The following SRP68 variants were observed in gnomAD, a reference collection of about 807,000 sequenced individuals.
SRP68 encodes signal recognition particle 68, also known as signal recognition particle subunit SRP68.
SRP68 carries 15 observed loss-of-function variants against 82.2 expected under a neutral mutation model. The observed-to-expected ratio is 0.18, with a 90% confidence interval of 0.12 to 0.28. The LOEUF is 0.28. Among genes scored for constraint, SRP68 ranks in the 10% least tolerant of loss-of-function variants. The pLI is 1.00. For synonymous variants in SRP68, 261 were observed against 292.6 expected (o/e 0.89, Z 1.10); for missense variants, 595 against 780.5 (o/e 0.76, Z 2.83).
At position 76,070,361 on chromosome 17, in the gene SRP68, TTGTA is replaced by T; in HGVS notation, c.251+13_251+16del. ...AGTCCCACAATGATTTCCAAACATC[TTGTA>T]TGTGATACTAACCTGTACCTCTGAA... On this transcript the variant is annotated intron_variant, in intron 2 of 15. Transcript: ENST00000307877. 1 of 1,607,960 alleles carries T rather than the reference TTGTA, an allele frequency of 6.2e-7. No homozygotes were observed. Among genetic ancestry groups the T allele is most frequent in the Non-Finnish European group, 8.5e-7 (1 of 1,174,472 alleles).
intron 12 of SRP68, 133 bp from the exon 13 acceptor site, chr17:76,044,091 C>T: frequency 1.0e-6 from 1 of 966,972 alleles, no homozygotes; most frequent in Non-Finnish European, 1.5e-6. Flanking sequence ...ATGGGAGCCC[C>T]CTTCATGGGA....
At chr17:76,047,764 G>A in intron 10 of SRP68, 142 bp downstream of exon 10, 1 of 304,922 alleles carries the variant, frequency 3.3e-6, no homozygotes, top group Admixed American at 5.5e-5. Flanking sequence ...ACTCCAGCCT[G>A]AGTGACAGAG....
At chr17:76,053,358 A>G (rs1441881498) in intron 8 of SRP68, 1 of 583,564 alleles carries the variant, frequency 1.7e-6, no homozygotes, top group Non-Finnish European at 2.2e-6. Context: ...ATTCCATGCA[A>G]TCCAACAAAC....
chr17:76,072,135 A>G lies in SRP68; in HGVS notation c.184+173T>C, dbSNP rs922708899. On this transcript the variant is annotated intron_variant, in intron 1 of 15. Transcript: ENST00000307877. This position sits in a 1 kb window ranked among gnomAD's most constrained non-coding sequence, Gnocchi z 4.5. ...GGCGAGGGGGACACGAGGAAAGACT[A>G]GTCGAGAGACAGACCCCCCCCGGAA... is the stretch of plus-strand genomic sequence containing the variant. The G allele has an allele frequency of 1.5e-5, 18 of 1,224,684 alleles. No homozygotes were observed. Among genetic ancestry groups the G allele is most frequent in the Non-Finnish European group, 2.0e-5 (18 of 889,362 alleles). 75.9% of individuals were successfully genotyped at this position (1,224,684 alleles called of 1,614,324 possible).
chr17:76,053,614 G>A, intron 8 of SRP68: 2 of 985,398 alleles, frequency 2.0e-6, no homozygotes, highest in Non-Finnish European at 2.4e-6. Context: ...AGTTCCCACT[G>A]GGAATTTTAC....
At chr17:76,053,605 G>C (rs2066691648) in intron 8 of SRP68, 1 of 985,276 alleles carries the variant, frequency 1.0e-6, no homozygotes, top group African/African-American at 1.7e-5. Flanking sequence ...AAAGCTCTAA[G>C]TTCCCACTGG....
rs2066744160 is a variant in SRP68 at position 76,060,358 on chromosome 17, T to G, written c.787A>C (p.Met263Leu). 12 of 1,612,184 alleles carry G rather than the reference T, an allele frequency of 7.4e-6. No homozygotes were observed. Among genetic ancestry groups the G allele is most frequent in the Non-Finnish European group, 1.0e-5 (12 of 1,179,692 alleles). The change falls in exon 7 of 16, where the codon ATG becomes CTG. Residue 263 changes from methionine to leucine, a missense_variant. Met to Leu is a conservative substitution (Grantham distance 15). Coordinates refer to ENST00000307877, the MANE Select transcript of SRP68 (RefSeq NM_014230.4). ...DQSAINELMQ[M>L]RLRSGGTEGL... ...TCAGTGCCCCCAGACCTCAATCTCA[T>G]CTGCATGAGTTCATTGATGGCTGAC...
chr17:76,067,178 G>T, intron 3 of SRP68, 39 bp downstream of exon 3: 1 of 1,419,394 alleles, frequency 7.0e-7, no homozygotes, highest in Non-Finnish European at 1.0e-6. Flanking sequence ...AAATGTATTA[G>T]CAAGAAGTAA....
intron 8 of SRP68, chr17:76,053,487 T>C: frequency 1.0e-6 from 1 of 985,334 alleles, no homozygotes; most frequent in Non-Finnish European, 1.2e-6. Flanking sequence ...GTCGGTAGGG[T>C]ACAGTTCAAG....
chr17:76,041,122 ACAAAG>A (rs1245132540), intron 13 of SRP68, 144 bp from the exon 14 acceptor site: 17 of 565,420 alleles, frequency 3.0e-5, no homozygotes, highest in South Asian at 7.0e-5. Context: ...ACAAAACAAA[ACAAAG>A]CAAAACACTA....
intron 4 of SRP68, among the ~76,000 whole-genome samples, chr17:76,063,283 T>C (rs2066782982): frequency 6.6e-6 from 1 of 152,160 alleles, no homozygotes; most frequent in Non-Finnish European, 1.5e-5. Flanking sequence ...ATATCTACCA[T>C]CTCTTTTTTA....
intron 9 of SRP68, 35 bp from the exon 10 acceptor site, chr17:76,048,005 C>T (rs539428113): frequency 1.4e-6 from 2 of 1,451,120 alleles, no homozygotes; most frequent in African/African-American, 2.8e-5. Flanking sequence ...AGTAAAGCAA[C>T]TGATGCTCTC....
In SRP68 at chr17:76,060,399, GA is replaced by G. The variant is rs758992875; in HGVS notation, c.755-10del. ...GATGGCTGACTGGTCCCCTAAGAGA[GA>G]AAGACAGGAAAATCTTCAAGGGTCT... On this transcript the variant is annotated splice_polypyrimidine_tract_variant and intron_variant, in intron 6 of 15. Transcript: ENST00000307877. 68 of 1,607,296 alleles carry G rather than the reference GA, an allele frequency of 4.2e-5. No homozygotes were observed. Among genetic ancestry groups the G allele is most frequent in the Non-Finnish European group, 5.4e-5 (64 of 1,175,148 alleles).
rs1241907876 is a variant in SRP68, at chr17:76,039,362, C to T, written c.*344G>A. The T allele has an allele frequency of 6.0e-6, 3 of 498,502 alleles. No homozygotes were observed. The highest frequency in any genetic ancestry group is 1.5e-5 in the South Asian group (1 of 64,934). 30.9% of individuals were successfully genotyped at this position (498,502 alleles called of 1,614,324 possible). A position where few individuals can be genotyped will look rare whatever the true frequency, so the allele number is the denominator to read the frequency against. On this transcript the variant is annotated 3_prime_UTR_variant, in exon 16 of 16. Coordinates refer to ENST00000307877, the MANE Select transcript of SRP68 (RefSeq NM_014230.4). The stretch of plus-strand genomic sequence containing the variant: ...ATGGTACTGAAGAAGCATGACAAAG[C>T]GTTTCAAGGCCCCATCTGTGCCTGG...
At chr17:76,041,620 C>G (rs1598256440) in intron 13 of SRP68, 1 of 152,370 alleles carries the variant, frequency 6.6e-6, no homozygotes, top group East Asian at 1.9e-4. Context: ...CCCCGCGTCC[C>G]AAGATGATAT....
chr17:76,046,244 A>T, intron 10 of SRP68, 50 bp from the exon 11 acceptor site: 6 of 1,599,520 alleles, frequency 3.8e-6, no homozygotes, highest in Non-Finnish European at 5.1e-6. Flanking sequence ...AAGCGGAGGA[A>T]CTGGGAGGAC....
chr17:76,070,239 A>C (rs1029319346), intron 2 of SRP68, 139 bp downstream of exon 2: 2 of 703,446 alleles, frequency 2.8e-6, no homozygotes, highest in East Asian at 2.8e-5. Flanking sequence ...AAAAAAAAAA[A>C]CAAAGCAAAC....
At chr17:76,067,888 T>C (rs2066819093) in intron 2 of SRP68, among the ~76,000 whole-genome samples, 1 of 152,204 alleles carries the variant, frequency 6.6e-6, no homozygotes, top group Admixed American at 6.6e-5. Flanking sequence ...AGTAGAATCA[T>C]GCAGAGAAAA....
At chr17:76,044,303 C>G (rs1205284817) in intron 12 of SRP68, among the ~76,000 whole-genome samples, 1 of 152,202 alleles carries the variant, frequency 6.6e-6, no homozygotes, top group Admixed American at 6.5e-5. Context: ...CCAAACCCAT[C>G]CACACACCCA....
Sources: allele counts gnomAD v4.1 joint callset (sites outside exome capture counted in the v4.1 genomes callset), GRCh38; gene constraint gnomAD v4.1.1; non-coding constraint Gnocchi (gnomAD v3.1); transcripts MANE v1.5; gene names NCBI Gene and HGNC (gene_info 2026-07-23, HGNC 2026-07-21).